GCNT2: variants seen among roughly 807,000 people sequenced by gnomAD.
GCNT2 encodes the protein glucosaminyl (N-acetyl) transferase 2 (I blood group).
In GCNT2, 34 loss-of-function variants were observed where a neutral mutation model predicts 34.2. The observed-to-expected ratio is 1.00, with a 90% CI of 0.76 to 1.32. GCNT2 has a LOEUF of 1.32. Among genes scored for constraint, GCNT2 ranks in the 40% most tolerant of loss-of-function variants. GCNT2 has a pLI of 0.00. For synonymous variants in GCNT2, 212 were observed against 188.0 expected (o/e 1.13, Z -1.04); for missense variants, 584 against 489.4 (o/e 1.19, Z -1.82).
chr6:10,564,946 A>G (rs924182259), intron 3 of GCNT2, among the ~76,000 whole-genome samples: 7 of 152,200 alleles, frequency 4.6e-5, no homozygotes, highest in Admixed American at 2.6e-4. Context: ...ATTAGAGTTG[A>G]TGAGAAATGC....
intron 3 of GCNT2, among the ~76,000 whole-genome samples, chr6:10,563,847 G>T (rs1244438092): frequency 9.3e-6 from 1 of 107,706 alleles, no homozygotes; most frequent in Non-Finnish European, 1.9e-5. Flanking sequence ...TGCTTAACAA[G>T]AAATCAAAAT....
chr6:10,572,806 G>T lies in GCNT2; in HGVS notation c.925+42970G>T, dbSNP rs1267444315. On this transcript the variant is annotated intron_variant, in intron 3 of 4. Coordinates refer to ENST00000495262, the MANE Select transcript of GCNT2 (RefSeq NM_145649.5). ...ATATAAAATGTGAACTTAAAACTACGTTACCCAGTGAGAGCATCAAATGCA... is the reference window on the plus strand; with the variant it reads ...ATATAAAATGTGAACTTAAAACTACTTTACCCAGTGAGAGCATCAAATGCA... Among the ~76,000 whole-genome samples, 4 of 152,296 alleles carry T rather than the reference G, an allele frequency of 2.6e-5. No individual in the cohort carries two copies. In the South Asian group the frequency reaches 8.3e-4, roughly 32 times the overall value.
rs148928449 is a variant in GCNT2, at chr6:10,581,763, G to A, written c.926-39588G>A. On this transcript the variant is annotated intron_variant, in intron 3 of 4. Transcript: ENST00000495262. ...GAAAAAACCGACTGAACCTGCAATA[G>A]AAGACCTTTGCCTCTCTTTTCTCAC... 1.9e-3 allele frequency: 1,850 copies of A among 985,226 alleles called. 22 individuals carry two copies. In the African/African-American group the frequency reaches 0.025, roughly 13 times the overall value. The allele number at this position is 985,226 out of a possible 1,614,324, so 61.0% of individuals were successfully genotyped here. A position where few individuals can be genotyped will look rare whatever the true frequency, so the allele number is the denominator to read the frequency against.
intron 3 of GCNT2, among the ~76,000 whole-genome samples, chr6:10,545,124 C>CA (rs1762215516): frequency 6.6e-6 from 1 of 152,116 alleles, no homozygotes; most frequent in Non-Finnish European, 1.5e-5. Context: ...TACAGCCCCC[C>CA]AGCCCCCTCC....
chr6:10,611,609 G>A (rs1030367062), intron 3 of GCNT2, among the ~76,000 whole-genome samples: 33 of 152,246 alleles, frequency 2.2e-4, no homozygotes, highest in African/African-American at 7.2e-4. Flanking sequence ...GATTACAGGC[G>A]TGAGCCACCA....
chr6:10,585,164 A>G (rs1358280946), intron 3 of GCNT2, among the ~76,000 whole-genome samples: 2 of 151,730 alleles, frequency 1.3e-5, no homozygotes, highest in African/African-American at 4.8e-5. Flanking sequence ...CTACTTAGTC[A>G]TGTTACAAAT....
chr6:10,559,408 C>T (rs1372842960), intron 3 of GCNT2, among the ~76,000 whole-genome samples: 1 of 152,212 alleles, frequency 6.6e-6, no homozygotes, highest in Non-Finnish European at 1.5e-5. Context: ...ATGCTGGCTT[C>T]TGCCTTCTCA....
At chr6:10,624,437 G>A (rs1766175696) in intron 4 of GCNT2, among the ~76,000 whole-genome samples, 1 of 152,042 alleles carries the variant, frequency 6.6e-6, no homozygotes, top group Non-Finnish European at 1.5e-5. Flanking sequence ...GATCTTGTGA[G>A]ACTTACTCAC....
rs1480906910 is a variant in GCNT2, at chr6:10,628,426, A to T, written c.*1819A>T. 1 of 152,154 alleles carries T rather than the reference A, an allele frequency of 6.6e-6. No individual in the cohort carries two copies. The highest frequency in any genetic ancestry group is 1.5e-5 in the Non-Finnish European group (1 of 68,020). 9.4% of individuals were successfully genotyped at this position (152,154 alleles called of 1,614,324 possible). A position where few individuals can be genotyped will look rare whatever the true frequency, so the allele number is the denominator to read the frequency against. ...AACCTTTTTTCTTGCTACTGAAAAA[A>T]ATGGAGTTGTTTTGGGTGGTAAAGT... is the stretch of plus-strand genomic sequence containing the variant. On this transcript the variant is annotated 3_prime_UTR_variant, in exon 5 of 5. Coordinates refer to ENST00000495262, the MANE Select transcript of GCNT2 (RefSeq NM_145649.5).
intron 3 of GCNT2, among the ~76,000 whole-genome samples, chr6:10,578,391 TAA>T (rs55708119): frequency 9.3e-4 from 81 of 86,952 alleles, no homozygotes; most frequent in Non-Finnish European, 1.2e-3. Flanking sequence ...TGTCTAAAAG[TAA>T]AAAAAAAAAA....
rs568507449 is a variant in GCNT2, at chr6:10,546,155, C to A, written c.925+16319C>A. 4.3e-4 allele frequency among the ~76,000 whole-genome samples: 65 copies of A among 152,244 alleles called. 2 individuals are homozygous for A. In the South Asian group the frequency reaches 0.012, roughly 28 times the overall value. The stretch of plus-strand genomic sequence containing the variant: ...GGTTACAGATGGGCTACACGTTGAT[C>A]TCAGCAGCATATACGGCAGGCAAAA... On this transcript the variant is annotated intron_variant, in intron 3 of 4. Transcript: ENST00000495262.
intron 3 of GCNT2, among the ~76,000 whole-genome samples, chr6:10,617,379 G>C (rs1435314466): frequency 1.3e-5 from 2 of 152,202 alleles, no homozygotes; most frequent in African/African-American, 4.8e-5. Context: ...CGCAGCCCTG[G>C]TTCCCGCCGG....
intron 3 of GCNT2, among the ~76,000 whole-genome samples, chr6:10,582,219 T>A (rs1274713769): frequency 1.6e-5 from 2 of 125,528 alleles, no homozygotes; most frequent in African/African-American, 6.1e-5. Context: ...ATTATATATA[T>A]AATTATATAT....
At chr6:10,570,379 C>T (rs1448229317) in intron 3 of GCNT2, among the ~76,000 whole-genome samples, 1 of 152,222 alleles carries the variant, frequency 6.6e-6, no homozygotes, top group Non-Finnish European at 1.5e-5. Context: ...CTTTGCCCTT[C>T]AGCTCTGTAC....
At chr6:10,593,854 CTTTG>C (rs1159487632) in intron 3 of GCNT2, among the ~76,000 whole-genome samples, 1 of 152,174 alleles carries the variant, frequency 6.6e-6, no homozygotes, top group African/African-American at 2.4e-5. Context: ...TTCCATCCTC[CTTTG>C]TTTGAGCCCA....
chr6:10,614,753 C>T (rs1431936243), intron 3 of GCNT2, among the ~76,000 whole-genome samples: 1 of 152,098 alleles, frequency 6.6e-6, no homozygotes, highest in Non-Finnish European at 1.5e-5. Flanking sequence ...CATCCAGGCC[C>T]GTCTGATCCT....
At chr6:10,571,837 G>A (rs34143322) in intron 3 of GCNT2, among the ~76,000 whole-genome samples, 16,567 of 152,208 alleles carry the variant, frequency 0.11, 1,212 homozygotes, top group Middle Eastern at 0.19. Context: ...ACGGAAATGT[G>A]AAGAAGGATC....
intron 3 of GCNT2, among the ~76,000 whole-genome samples, chr6:10,545,263 A>G (rs1056399813): frequency 1.3e-5 from 2 of 151,446 alleles, no homozygotes; most frequent in African/African-American, 4.9e-5. Flanking sequence ...GGCTTTTTCC[A>G]TTTTGCAAGA....
chr6:10,615,870 C>G (rs949695804), intron 3 of GCNT2, among the ~76,000 whole-genome samples: 1 of 152,330 alleles, frequency 6.6e-6, no homozygotes, highest in Non-Finnish European at 1.5e-5. Flanking sequence ...AGAGATTGCT[C>G]TCATCGCCAC....
Sources: gnomAD v4.1 joint callset for allele counts (sites outside exome capture counted in the v4.1 genomes callset) on GRCh38, gnomAD v4.1.1 for gene constraint, MANE v1.5 for transcripts, NCBI Gene and HGNC (gene_info 2026-07-23, HGNC 2026-07-21) for gene names.